Variants in TAFA2 observed in about 807,000 individuals in gnomAD.
The protein encoded by TAFA2 is TAFA chemokine like family member 2, also known as chemokine-like protein TAFA-2.
In TAFA2, 7 loss-of-function variants were observed where a neutral mutation model predicts 18.8. The observed-to-expected ratio is 0.37, with a 90% CI of 0.21 to 0.70. The LOEUF (loss-of-function observed/expected upper bound fraction) is 0.70. Ranked by LOEUF, TAFA2 falls within the 30% of genes least tolerant of loss-of-function variation. The pLI is 0.53. For synonymous variants in TAFA2, 60 were observed against 54.2 expected, an observed-to-expected ratio of 1.11 and a Z score of -0.47; for missense variants, 122 against 158.1, an observed-to-expected ratio of 0.77 and a Z score of 1.23.
At chr12:61,842,189 C>A (rs553517808) in intron 2 of TAFA2, among the ~76,000 whole-genome samples, 2 of 151,410 alleles carry the variant, frequency 1.3e-5, no homozygotes, top group African/African-American at 2.4e-5. Flanking sequence ...ATTATGCACA[C>A]GGGAAAAAAT....
chr12:61,980,953 A>G (rs1199124881), intron 1 of TAFA2, among the ~76,000 whole-genome samples: 1 of 152,204 alleles, frequency 6.6e-6, no homozygotes, highest in East Asian at 1.9e-4. Flanking sequence ...ATTGGAAAAA[A>G]CTACTTTAAA....
rs921579339 is a variant in TAFA2, at chr12:61,859,832, G to A, written c.106+7488C>T. 2.6e-5 allele frequency among the ~76,000 whole-genome samples: 4 copies of A among 152,250 alleles called. No individual in the cohort carries two copies. In the South Asian group the frequency reaches 8.3e-4, roughly 32 times the overall value. On this transcript the variant is annotated intron_variant, in intron 2 of 4. Coordinates refer to ENST00000416284, the MANE Select transcript of TAFA2 (RefSeq NM_178539.5). ...GGGGTTGTATTCAGCGACTCTGAGG[G>A]GCTGACGACATTCTAATTACTGTCC...
intron 1 of TAFA2, among the ~76,000 whole-genome samples, chr12:62,171,054 G>T (rs2062474627): frequency 6.6e-6 from 1 of 151,960 alleles, no homozygotes; most frequent in African/African-American, 2.4e-5. Context: ...ACTTTATTAT[G>T]ACTCATGACA....
At position 62,256,234 on chromosome 12, in the gene TAFA2, A is replaced by G. The variant is rs148723567; in HGVS notation, c.-130+2529T>C. Among the ~76,000 whole-genome samples, 465 of 151,842 alleles carry G rather than the reference A, an allele frequency of 3.1e-3. 4 individuals are homozygous for G. The highest frequency in any genetic ancestry group is 0.01 in the African/African-American group (422 of 41,386). ...CAGTGAGCCCAGATCATGCCATTGC[A>G]CTCCAGCCTGGGCAACAGAGTGAGA... On this transcript the variant is annotated intron_variant, in intron 1 of 5. Coordinates refer to the TAFA2 transcript ENST00000551619.
intron 1 of TAFA2, chr12:62,145,747 C>T (rs1188837218): frequency 3.9e-5 from 6 of 152,252 alleles, no homozygotes; most frequent in Non-Finnish European, 7.3e-5. Context: ...CAACTCCTCA[C>T]TCTCTTGGTG....
chr12:61,987,895 GT>G (rs753999260), intron 1 of TAFA2, among the ~76,000 whole-genome samples: 7 of 152,166 alleles, frequency 4.6e-5, no homozygotes, highest in Non-Finnish European at 8.8e-5. Context: ...GCAAATGTTT[GT>G]TGAAGCAAAT....
intron 1 of TAFA2, among the ~76,000 whole-genome samples, chr12:62,202,240 T>C (rs2062674262): frequency 6.6e-6 from 1 of 152,260 alleles, no homozygotes; most frequent in East Asian, 1.9e-4. Context: ...TCTACTTCAT[T>C]TCTACTGTGA....
intron 1 of TAFA2, among the ~76,000 whole-genome samples, chr12:61,938,551 CT>C (rs1877869563): frequency 6.6e-6 from 1 of 152,136 alleles, no homozygotes; most frequent in South Asian, 2.1e-4. Flanking sequence ...AGCAATCCCA[CT>C]CCTGGGTATC....
intron 1 of TAFA2, chr12:62,140,556 C>T (rs1592360765): frequency 6.6e-6 from 1 of 152,326 alleles, no homozygotes; most frequent in Non-Finnish European, 1.5e-5. Context: ...CAAATTCTCC[C>T]TCCACCCAAT....
intron 4 of TAFA2, among the ~76,000 whole-genome samples, chr12:61,716,564 A>G (rs1869668564): frequency 6.6e-6 from 1 of 152,170 alleles, no homozygotes; most frequent in Non-Finnish European, 1.5e-5. Context: ...TAAATCTTAT[A>G]TGATATTAGC....
chr12:61,830,170 A>T (rs1269507587), intron 2 of TAFA2, among the ~76,000 whole-genome samples: 1 of 151,008 alleles, frequency 6.6e-6, no homozygotes, highest in African/African-American at 2.4e-5. Flanking sequence ...CCAATGAATG[A>T]TTGGATAAAT....
At chr12:61,948,417 T>G (rs544781769) in intron 1 of TAFA2, among the ~76,000 whole-genome samples, 1 of 152,122 alleles carries the variant, frequency 6.6e-6, no homozygotes, top group South Asian at 2.1e-4. Context: ...AGAAATCAAC[T>G]AGAGGTAAAT....
intron 1 of TAFA2, among the ~76,000 whole-genome samples, chr12:62,051,993 G>A (rs943946886): frequency 6.6e-6 from 1 of 152,074 alleles, no homozygotes; most frequent in Non-Finnish European, 1.5e-5. Flanking sequence ...TAATAAACAT[G>A]TTATATTTCC....
At chr12:62,234,719 G>T (rs779208695) in intron 1 of TAFA2, 2 of 1,092,608 alleles carry the variant, frequency 1.8e-6, no homozygotes, top group Non-Finnish European at 2.8e-6. Flanking sequence ...CCTCTGAGGA[G>T]CCCCGTCTAC....
At chr12:62,034,459 T>C (rs1470527484) in intron 1 of TAFA2, among the ~76,000 whole-genome samples, 1 of 152,254 alleles carries the variant, frequency 6.6e-6, no homozygotes, top group Admixed American at 6.5e-5. Context: ...GTAATGTTTA[T>C]TCTAATTTGT....
intron 1 of TAFA2, among the ~76,000 whole-genome samples, chr12:61,998,441 T>A (rs1880272810): frequency 6.6e-6 from 1 of 152,198 alleles, no homozygotes; most frequent in Admixed American, 6.6e-5. Flanking sequence ...CAAACAATAC[T>A]TTTTTATACC....
At chr12:61,813,796 G>A (rs1273208095) in intron 2 of TAFA2, among the ~76,000 whole-genome samples, 2 of 151,222 alleles carry the variant, frequency 1.3e-5, no homozygotes, top group Non-Finnish European at 2.9e-5. Flanking sequence ...TTTACTTTTT[G>A]GTGTCTCAGT....
intron 1 of TAFA2, among the ~76,000 whole-genome samples, chr12:61,993,502 G>A (rs1880079643): frequency 6.6e-6 from 1 of 152,094 alleles, no homozygotes; most frequent in Admixed American, 6.5e-5. Context: ...GTTAAATGAT[G>A]TATTACCTTG....
intron 1 of TAFA2, among the ~76,000 whole-genome samples, chr12:61,896,347 A>T (rs1875842933): frequency 6.6e-6 from 1 of 152,228 alleles, no homozygotes; most frequent in Non-Finnish European, 1.5e-5. Flanking sequence ...TAATTATATT[A>T]CACTTTCATG....
Sources: gnomAD v4.1 joint callset for allele counts (sites outside exome capture counted in the v4.1 genomes callset) on GRCh38, gnomAD v4.1.1 for gene constraint, MANE v1.5 for transcripts, NCBI Gene and HGNC (gene_info 2026-07-23, HGNC 2026-07-21) for gene names.